ZNF394: variants seen among roughly 807,000 people sequenced by gnomAD.
The protein encoded by ZNF394 is zinc finger protein 99.
A neutral mutation model predicts 21.8 loss-of-function variants in ZNF394; 19 were observed. That is an observed-to-expected ratio of 0.87 (90% confidence interval 0.61 to 1.28). The LOEUF (loss-of-function observed/expected upper bound fraction) is 1.28. Among genes scored for constraint, ZNF394 ranks in the 50% most tolerant of loss-of-function variants. The pLI is 0.00. For missense variants in ZNF394, 683 were observed against 708.6 expected, an observed-to-expected ratio of 0.96 and a Z score of 0.41; for synonymous variants, 294 against 273.3, an observed-to-expected ratio of 1.08 and a Z score of -0.75.
At position 99,494,145 on chromosome 7, in the gene ZNF394, G is replaced by A. The variant is rs1391419862; in HGVS notation, c.1070C>T (p.Pro357Leu). ...CTTCCCACAGTTACCACATTTATAA[G>A]GTCTTTCTTCATGGAGCTGCCTCTG... is the stretch of plus-strand genomic sequence containing the variant. ...ETQRQLHEER[P>L]YKCGNCGKSF... Residue 357 changes from proline to leucine, a missense_variant, in exon 3 of 3, where the codon CCT (proline) becomes CTT (leucine). Physicochemically the swap from Pro to Leu is moderately conservative, Grantham distance 98. Around this residue, in one of 3 missense-constraint regions of ZNF394, gnomAD observed 274 missense variants for 314.1 expected, o/e 0.87. Coordinates refer to ENST00000337673, the MANE Select transcript of ZNF394 (RefSeq NM_032164.4). 5 of 1,614,226 alleles carry A rather than the reference G, an allele frequency of 3.1e-6. No individual in the cohort carries two copies. The highest frequency in any genetic ancestry group is 2.2e-5 in the East Asian group (1 of 44,884).
Position 99,493,276 on chromosome 7 carries a change from A to G in ZNF394, c.*253T>C, listed in dbSNP as rs1258423956. On this transcript the variant is annotated 3_prime_UTR_variant, in exon 3 of 3. Coordinates refer to ENST00000337673, the MANE Select transcript of ZNF394 (RefSeq NM_032164.4). ...ATGACAGCACTTTATTTCTTTTTTG[A>G]GATGGAGTCTCGCTCTGTTGCCCAG... The G allele has an allele frequency of 1.2e-5, 14 of 1,183,442 alleles. No individual in the cohort carries two copies. The highest frequency in any genetic ancestry group is 1.4e-5 in the Non-Finnish European group (13 of 954,604). The allele number at this position is 1,183,442 out of a possible 1,614,324, so 73.3% of individuals were successfully genotyped here. A position where few individuals can be genotyped will look rare whatever the true frequency, so the allele number is the denominator to read the frequency against.
intron 2 of ZNF394, among the ~76,000 whole-genome samples, chr7:99,495,745 A>C (rs1251430235): frequency 6.9e-6 from 1 of 144,664 alleles, no homozygotes; most frequent in Non-Finnish European, 1.5e-5. Flanking sequence ...CTCAGCCTTG[A>C]GAGTAGCTGG....
chr7:99,499,649 T>C lies in ZNF394; in HGVS notation c.445A>G (p.Thr149Ala). 6.3e-7 allele frequency: 1 copy of C among 1,594,880 alleles called. No homozygotes were observed. The highest frequency in any genetic ancestry group is 8.5e-7 in the Non-Finnish European group (1 of 1,173,306). The stretch of plus-strand genomic sequence containing the variant: ...CTTTCGCTTCTCACCTGGGATGAGG[T>C]TCCATCGAGCGCTCGCTGCAGAGCC... ...VRALQRALDG[T>A]SSQGMVTFED... Residue 149 changes from threonine (T) to alanine (A), a missense_variant, in exon 1 of 3, where the codon ACC becomes GCC. By Grantham distance (58) the Thr-to-Ala change is moderately conservative (BLOSUM62 0). This residue lies in a region of ZNF394 where 402 missense variants were observed against 373.8 expected (regional missense o/e 1.08). Coordinates refer to ENST00000337673, the MANE Select transcript of ZNF394 (RefSeq NM_032164.4).
intron 1 of ZNF394, among the ~76,000 whole-genome samples, chr7:99,499,100 G>A (rs2151085177): frequency 6.6e-6 from 1 of 152,344 alleles, no homozygotes; most frequent in Middle Eastern, 3.4e-3. Context: ...ACAAGGCCGG[G>A]CGCGGTGGCT....
At chr7:99,489,049 C>T (rs1299558983), downstream of ZNF394, among the ~76,000 whole-genome samples, 1 of 151,790 alleles carries the variant, frequency 6.6e-6, no homozygotes, top group Non-Finnish European at 1.5e-5. Flanking sequence ...CTTTGGGAGG[C>T]TGAGGCGAGT....
downstream of ZNF394, among the ~76,000 whole-genome samples, chr7:99,492,075 GAAA>G (rs397948314): frequency 6.3e-5 from 3 of 47,654 alleles, no homozygotes; most frequent in South Asian, 7.3e-4. Flanking sequence ...TCCGTCTCAA[GAAA>G]AAAAAAAAAA....
At chr7:99,493,229 A>G, downstream of ZNF394, 1 of 1,091,782 alleles carries the variant, frequency 9.2e-7, no homozygotes, top group Non-Finnish European at 1.1e-6. Context: ...AAACAGGCCA[A>G]GTCACATAGA....
Position 99,499,625 on chromosome 7 carries a change from T to C in ZNF394, c.456+13A>G, listed in dbSNP as rs1361723105. The C allele has an allele frequency of 6.4e-7, 1 of 1,563,184 alleles. No individual in the cohort carries two copies. On this transcript the variant is annotated intron_variant, in intron 1 of 2. Coordinates refer to ENST00000337673, the MANE Select transcript of ZNF394 (RefSeq NM_032164.4). The stretch of plus-strand genomic sequence containing the variant: ...CACACTCCCACCTCCAGAACAGGCC[T>C]TTCGCTTCTCACCTGGGATGAGGTT...
chr7:99,496,311 C>G (rs750588304), intron 2 of ZNF394, among the ~76,000 whole-genome samples: 1 of 151,804 alleles, frequency 6.6e-6, no homozygotes, highest in Non-Finnish European at 1.5e-5. Flanking sequence ...CTACCTCGGT[C>G]TCCCAAAGTG....
rs1202949071 is a variant in ZNF394 at position 99,494,201 on chromosome 7, G to C, written c.1014C>G (p.Asp338Glu). 1.2e-6 allele frequency: 2 copies of C among 1,614,238 alleles called. No homozygotes were observed. Among genetic ancestry groups the C allele is most frequent in the South Asian group, 2.2e-5 (2 of 91,086 alleles). The change falls in exon 3 of 3, where the codon GAC (aspartate) becomes GAG (glutamate). Residue 338 changes from aspartate (D) to glutamate (E), a missense_variant. Coordinates refer to ENST00000337673, the MANE Select transcript of ZNF394 (RefSeq NM_032164.4). ...VLKPHKSDSG[D>E]SFHHSSLFET... is the part of the protein sequence containing the mutation. ...CAAAAAGGCTGGAATGATGGAAACT[G>C]TCTCCACTGTCAGACTTGTGAGGTT...
At chr7:99,491,900 C>A (rs984246587), downstream of ZNF394, among the ~76,000 whole-genome samples, 1 of 151,448 alleles carries the variant, frequency 6.6e-6, no homozygotes, top group Non-Finnish European at 1.5e-5. Flanking sequence ...CAGTGAAACC[C>A]CATCTCTACT....
chr7:99,490,623 C>A (rs1013979001), downstream of ZNF394, among the ~76,000 whole-genome samples: 2 of 145,670 alleles, frequency 1.4e-5, no homozygotes, highest in African/African-American at 5.1e-5. Context: ...CAAAGTGAGA[C>A]CTTTTTTTTT....
chr7:99,490,546 G>A (rs1309491966), downstream of ZNF394, among the ~76,000 whole-genome samples: 3 of 151,530 alleles, frequency 2.0e-5, no homozygotes, highest in East Asian at 2.0e-4. Flanking sequence ...TGGAAGGATC[G>A]CTTAAGCCCA....
chr7:99,489,302 AAAAG>A, downstream of ZNF394, among the ~76,000 whole-genome samples: 1 of 151,924 alleles, frequency 6.6e-6, no homozygotes, highest in Admixed American at 6.6e-5. Flanking sequence ...AAAAAAAAAA[AAAAG>A]AGTTGTAAGT....
downstream of ZNF394, among the ~76,000 whole-genome samples, chr7:99,491,771 CA>C (rs768073826): frequency 7.1e-3 from 248 of 34,974 alleles, 2 homozygotes; most frequent in East Asian, 0.058. Context: ...GAATCTGTCT[CA>C]AAAAAAAAAA....
At chr7:99,491,753 G>T, downstream of ZNF394, among the ~76,000 whole-genome samples, 1 of 98,956 alleles carries the variant, frequency 1.0e-5, no homozygotes, top group South Asian at 3.5e-4. Context: ...TCCAGCCTGG[G>T]CGACAGAGAA....
Position 99,493,961 on chromosome 7 carries a change from T to C in ZNF394, c.1254A>G (p.Lys418=), listed in dbSNP as rs772894359. Residue 418 remains lysine, a synonymous_variant, in exon 3 of 3, where the codon AAA becomes AAG. Transcript: ENST00000337673. The part of the protein sequence containing the change: ...HTGEKPYTCL[K]CGERFRQNSH... ...AATTCTGCCTGAAGCGCTCCCCACA[T>C]TTCAGACAGGTGTACGGCTTCTCGC... The C allele has an allele frequency of 6.7e-5, 108 of 1,614,142 alleles. No individual in the cohort carries two copies. Among genetic ancestry groups the C allele is most frequent in the Non-Finnish European group, 8.5e-5 (100 of 1,180,052 alleles).
intron 2 of ZNF394, among the ~76,000 whole-genome samples, chr7:99,496,605 G>A (rs948416296): frequency 1.1e-4 from 16 of 151,452 alleles, no homozygotes; most frequent in Admixed American, 9.2e-4. Context: ...TAGTAGAGAC[G>A]GTGTTTCACT....
chr7:99,497,112 G>A lies in ZNF394; in HGVS notation c.583+1604C>T, dbSNP rs1252113094. ...CGTGTGTGTGTGTGTGTGTGTGTGT[G>A]TGTGTGTGTGTATATATATATATAT... On this transcript the variant is annotated intron_variant, in intron 2 of 2. Transcript: ENST00000337673. Among the ~76,000 whole-genome samples, 748 of 117,256 alleles carry A rather than the reference G, an allele frequency of 6.4e-3. 9 individuals carry two copies. Among genetic ancestry groups the A allele is most frequent in the African/African-American group, 0.033 (701 of 21,132 alleles). The allele number at this position is 117,256 out of a possible 152,430, so 76.9% of individuals were successfully genotyped here.
Sources: allele counts gnomAD v4.1 joint callset (sites outside exome capture counted in the v4.1 genomes callset), GRCh38; gene constraint gnomAD v4.1.1; regional missense constraint gnomAD v4.1.1; transcripts MANE v1.5; gene names NCBI Gene and HGNC (gene_info 2026-07-23, HGNC 2026-07-21).